Variants in NLRP5 observed in about 807,000 individuals in gnomAD.
NLRP5 encodes NLR family pyrin domain containing 5, also known as NACHT, LRR and PYD domains-containing protein 5.
NLRP5 carries 93 observed loss-of-function variants against 113.1 expected under a neutral mutation model. The observed-to-expected ratio is 0.82, with a 90% CI of 0.70 to 0.98. The LOEUF is 0.98. Ranked by LOEUF, NLRP5 falls within the 50% of genes least tolerant of loss-of-function variation. The pLI is 0.00. For missense variants in NLRP5, 1,808 were observed against 1,514.3 expected, an observed-to-expected ratio of 1.19 and a Z score of -3.22; for synonymous variants, 751 against 600.7, an observed-to-expected ratio of 1.25 and a Z score of -3.66.
rs369622191 is a variant in NLRP5 at position 56,043,542 on chromosome 19, C to CTTTTTT, written c.2957+2486_2957+2491dup. 2.1e-3 allele frequency among the ~76,000 whole-genome samples: 198 copies of CTTTTTT among 92,802 alleles called. 25 individuals are homozygous for CTTTTTT. The highest frequency in any genetic ancestry group is 6.6e-3 in the East Asian group (14 of 2,108). The allele number at this position is 92,802 out of a possible 152,430, so 60.9% of individuals were successfully genotyped here. A position where few individuals can be genotyped will look rare whatever the true frequency, so the allele number is the denominator to read the frequency against. ...TGGATTGTCTGTTTACTCTGCTATTCTTTTTTTTTTTTTTTTTTTTTTTTT... is the reference window on the plus strand; with the variant it reads ...TGGATTGTCTGTTTACTCTGCTATTCTTTTTTTTTTTTTTTTTTTTTTTTTTTTTTT... On this transcript the variant is annotated intron_variant, in intron 11 of 14. Coordinates refer to ENST00000390649, the MANE Select transcript of NLRP5 (RefSeq NM_153447.4).
At chr19:56,049,848 G>A (rs918302335) in intron 11 of NLRP5, among the ~76,000 whole-genome samples, 1 of 152,056 alleles carries the variant, frequency 6.6e-6, no homozygotes, top group Non-Finnish European at 1.5e-5. Context: ...CAGGAAATTC[G>A]AGGATGTCTT....
chr19:55,999,822 C>G (rs368107467), intron 1 of NLRP5: 177 of 1,523,136 alleles, frequency 1.2e-4, no homozygotes, highest in Non-Finnish European at 1.6e-4. Flanking sequence ...ATGAGGAAAC[C>G]GACCCTCAGC....
intron 9 of NLRP5, among the ~76,000 whole-genome samples, chr19:56,036,366 T>C (rs521700): frequency 0.52 from 78,525 of 151,350 alleles, 21,589 homozygotes; most frequent in East Asian, 0.74. Flanking sequence ...TGCGCCTGGC[T>C]GAGATTCTTT....
intron 13 of NLRP5, among the ~76,000 whole-genome samples, chr19:56,055,563 T>TTTTTTTTTC (rs71981818): frequency 8.6e-6 from 1 of 116,806 alleles, no homozygotes; most frequent in Non-Finnish European, 1.8e-5. Context: ...TTTTTTTTTT[T>TTTTTTTTTC]AAGATAGAGT....
the NLRP5 span, chr19:55,987,883 A>G: frequency 6.2e-7 from 1 of 1,614,020 alleles, no homozygotes; most frequent in Non-Finnish European, 8.5e-7. Flanking sequence ...TCACGGGAAA[A>G]AGTGACTGCC....
At chr19:55,990,824 CAAAAA>C in the NLRP5 span, among the ~76,000 whole-genome samples, 1 of 151,612 alleles carries the variant, frequency 6.6e-6, no homozygotes, top group Admixed American at 6.6e-5. Flanking sequence ...GACTCTGTCT[CAAAAA>C]GAAAAAAAGC....
chr19:56,019,460 T>G (rs1188632326), intron 5 of NLRP5, 62 bp downstream of exon 5: 1 of 1,523,658 alleles, frequency 6.6e-7, no homozygotes, highest in African/African-American at 1.4e-5. Context: ...GAAAGAAGTG[T>G]AAGTAGTTTA....
In NLRP5 at chr19:56,032,769, T is replaced by C. The variant is rs1983171976; in HGVS notation, c.2435T>C (p.Ile812Thr). 3.7e-6 allele frequency: 6 copies of C among 1,609,028 alleles called. No homozygotes were observed. In the African/African-American group the frequency reaches 8.0e-5, roughly 22 times the overall value. The stretch of plus-strand genomic sequence containing the variant: ...AAGCTGAGGCATCCCACCTGCAAGA[T>C]ACAGACCCTGATGTAAGGCTGCCCG... The change falls in exon 8 of 15, where the codon ATA becomes ACA. Residue 812 changes from isoleucine (I) to threonine (T), a missense_variant. Ile to Thr is a moderately conservative substitution (Grantham distance 89). Coordinates refer to ENST00000390649, the MANE Select transcript of NLRP5 (RefSeq NM_153447.4).
intron 12 of NLRP5, among the ~76,000 whole-genome samples, chr19:56,053,421 G>C (rs1317348016): frequency 2.0e-5 from 3 of 151,936 alleles, no homozygotes; most frequent in African/African-American, 7.2e-5. Context: ...AAAAAATAAA[G>C]ATACCTTCAA....
chr19:55,999,844 G>C (rs1342140179), intron 1 of NLRP5: 40 of 1,326,304 alleles, frequency 3.0e-5, no homozygotes, highest in Non-Finnish European at 4.2e-5. Context: ...TTGGTACCAT[G>C]ACACACGGAT....
At chr19:56,051,022 G>C (rs1983913367) in intron 12 of NLRP5, among the ~76,000 whole-genome samples, 1 of 152,188 alleles carries the variant, frequency 6.6e-6, no homozygotes, top group African/African-American at 2.4e-5. Flanking sequence ...AAAGAGCTCA[G>C]TGAGCAAAAA....
the NLRP5 span, among the ~76,000 whole-genome samples, chr19:55,994,026 G>T: frequency 6.6e-6 from 1 of 152,036 alleles, no homozygotes; most frequent in Non-Finnish European, 1.5e-5. Flanking sequence ...TCTATTTTCA[G>T]TTCTTTGAGA....
the NLRP5 span, among the ~76,000 whole-genome samples, chr19:55,990,115 T>C: frequency 1.5e-5 from 2 of 133,722 alleles, no homozygotes; most frequent in African/African-American, 5.5e-5. Context: ...TTTGAGACAG[T>C]GTCTTACTCT....
intron 3 of NLRP5, among the ~76,000 whole-genome samples, chr19:56,014,478 C>CA (rs3055393): frequency 0.015 from 2,026 of 136,914 alleles, 29 homozygotes; most frequent in Admixed American, 0.051. Flanking sequence ...CGCTCCATCT[C>CA]AAAAAAAAAA....
rs1491437564 is a variant in NLRP5, at chr19:56,001,336, C to CA, written c.62+1552dup. Among the ~76,000 whole-genome samples, 6 of 129,626 alleles carry CA rather than the reference C, an allele frequency of 4.6e-5. No individual in the cohort carries two copies. In the East Asian group the frequency reaches 9.6e-4, roughly 21 times the overall value. The allele number at this position is 129,626 out of a possible 152,430, so 85.0% of individuals were successfully genotyped here. A position where few individuals can be genotyped will look rare whatever the true frequency, so the allele number is the denominator to read the frequency against. Reference sequence around the variant, plus strand: ...AGACTCAGTCATTTAAAAAAAAAAACAAACAAAAAACACCACAGCTTATTG... The same window carrying CA: ...AGACTCAGTCATTTAAAAAAAAAAACAAAACAAAAAACACCACAGCTTATTG... On this transcript the variant is annotated intron_variant, in intron 1 of 14. Transcript: ENST00000390649.
chr19:55,990,999 T>C, the NLRP5 span, among the ~76,000 whole-genome samples: 4 of 151,928 alleles, frequency 2.6e-5, no homozygotes, highest in Non-Finnish European at 5.9e-5. Context: ...AAAAAAAAAA[T>C]TCCGCTGAGC....
intron 4 of NLRP5, among the ~76,000 whole-genome samples, chr19:56,018,074 A>T (rs901532630): frequency 6.6e-6 from 1 of 152,222 alleles, no homozygotes; most frequent in South Asian, 2.1e-4. Context: ...TGGTGTATAT[A>T]CACAATGGGT....
intron 9 of NLRP5, among the ~76,000 whole-genome samples, chr19:56,035,894 C>A (rs1329821106): frequency 6.6e-6 from 1 of 152,066 alleles, no homozygotes; most frequent in East Asian, 1.9e-4. Flanking sequence ...GTTGGAACTT[C>A]CTTTATTCAA....
At chr19:56,050,755 G>C (rs1983905057) in intron 12 of NLRP5, among the ~76,000 whole-genome samples, 167 bp downstream of exon 12, 1 of 152,172 alleles carries the variant, frequency 6.6e-6, no homozygotes, top group African/African-American at 2.4e-5. Context: ...TGACACCACG[G>C]TGAGCATGGG....
Sources: allele counts gnomAD v4.1 joint callset (sites outside exome capture counted in the v4.1 genomes callset), GRCh38; gene constraint gnomAD v4.1.1; transcripts MANE v1.5; gene names NCBI Gene and HGNC (gene_info 2026-07-23, HGNC 2026-07-21).